The following DPP10 variants were observed in gnomAD, a reference collection of about 807,000 sequenced individuals.
The protein encoded by DPP10 is dipeptidyl peptidase like 10.
DPP10 carries 33 observed loss-of-function variants against 120.9 expected under a neutral mutation model. The ratio of observed to expected loss-of-function variants is 0.27; its 90% CI spans 0.21 to 0.37. The LOEUF (loss-of-function observed/expected upper bound fraction) is 0.37, where lower values mean the gene tolerates loss of function less well. Among genes scored for constraint, DPP10 ranks in the 10% least tolerant of loss-of-function variants. The probability of loss-of-function intolerance (pLI) is 1.00; values close to 1 mark genes in which losing one functional copy is unlikely to be tolerated. For missense variants in DPP10, 816 were observed against 942.8 expected (o/e 0.87, Z 1.76); for synonymous variants, 337 against 326.1 (o/e 1.03, Z -0.36).
intron 11 of DPP10, among the ~76,000 whole-genome samples, chr2:115,759,018 G>T (rs761048290): frequency 6.6e-6 from 1 of 151,944 alleles, no homozygotes; most frequent in South Asian, 2.1e-4. Flanking sequence ...TACTGAATAA[G>T]CCAAAAAATC....
intron 1 of DPP10, among the ~76,000 whole-genome samples, chr2:114,943,811 CATT>C (rs773632287): frequency 5.9e-5 from 9 of 152,270 alleles, no homozygotes; most frequent in Non-Finnish European, 8.8e-5. Flanking sequence ...AGAAAACCAT[CATT>C]AAGATGTTAA....
intron 3 of DPP10, among the ~76,000 whole-genome samples, chr2:115,357,081 T>C (rs1030505481): frequency 1.3e-5 from 2 of 152,214 alleles, no homozygotes; most frequent in African/African-American, 4.8e-5. Flanking sequence ...TCATGTGTAC[T>C]CAATATATAT....
intron 5 of DPP10, among the ~76,000 whole-genome samples, chr2:115,560,403 A>AAAAAATATATATAT (rs1553448798): frequency 5.6e-5 from 1 of 17,854 alleles, no homozygotes; most frequent in Non-Finnish European, 9.8e-5. Context: ...AAAAAAAAAA[A>AAAAAATATATATAT]ATATATATAT....
At chr2:114,857,721 C>T (rs567509891) in intron 1 of DPP10, among the ~76,000 whole-genome samples, 3 of 152,194 alleles carry the variant, frequency 2.0e-5, no homozygotes, top group Non-Finnish European at 2.9e-5. Flanking sequence ...TAATGTAGTA[C>T]GAAGACTTAT....
chr2:115,399,807 A>G (rs1374699969), intron 3 of DPP10, among the ~76,000 whole-genome samples: 1 of 152,176 alleles, frequency 6.6e-6, no homozygotes, highest in Non-Finnish European at 1.5e-5. Flanking sequence ...GTGTTTCATA[A>G]AAATTCTAAT....
At chr2:114,784,139 G>A (rs915089215) in intron 1 of DPP10, among the ~76,000 whole-genome samples, 4 of 152,060 alleles carry the variant, frequency 2.6e-5, no homozygotes, top group African/African-American at 9.7e-5. Flanking sequence ...CAGGTTCACA[G>A]AAGTCCCATT....
chr2:115,715,398 G>A (rs1467413730), intron 7 of DPP10, among the ~76,000 whole-genome samples: 1 of 145,812 alleles, frequency 6.9e-6, no homozygotes, highest in Non-Finnish European at 1.5e-5. Context: ...ACTGGAACTT[G>A]TTGGCCCAGC....
intron 1 of DPP10, among the ~76,000 whole-genome samples, chr2:114,695,893 T>C (rs1700039855): frequency 6.6e-6 from 1 of 152,066 alleles, no homozygotes; most frequent in African/African-American, 2.4e-5. Flanking sequence ...TGCTTTCTCT[T>C]GAAAAAATGT....
At chr2:115,235,866 C>T (rs970621322) in intron 1 of DPP10, among the ~76,000 whole-genome samples, 4 of 152,114 alleles carry the variant, frequency 2.6e-5, no homozygotes, top group African/African-American at 7.2e-5. Flanking sequence ...GCCAAGCTGA[C>T]GTTTCTTACA....
intron 1 of DPP10, among the ~76,000 whole-genome samples, chr2:114,794,070 CT>C (rs147276501): frequency 2.6e-5 from 4 of 151,966 alleles, no homozygotes; most frequent in Non-Finnish European, 4.4e-5. Context: ...TTGAGCATGA[CT>C]TTTTTTTACC....
intron 1 of DPP10, among the ~76,000 whole-genome samples, chr2:114,611,294 C>T (rs988083716): frequency 6.6e-6 from 1 of 152,186 alleles, no homozygotes; most frequent in African/African-American, 2.4e-5. Context: ...CATGTGCTTA[C>T]AGGAAATGAA....
chr2:115,627,235 G>A (rs2085437513), intron 5 of DPP10, among the ~76,000 whole-genome samples: 1 of 152,080 alleles, frequency 6.6e-6, no homozygotes, highest in Non-Finnish European at 1.5e-5. Context: ...GCTGATAGAG[G>A]GATTCCTACT....
At chr2:114,994,984 T>G (rs947688716) in intron 1 of DPP10, among the ~76,000 whole-genome samples, 8 of 152,246 alleles carry the variant, frequency 5.3e-5, no homozygotes, top group Non-Finnish European at 1.0e-4. Flanking sequence ...ACAATGTTCC[T>G]TCACGGTGTC....
At position 114,826,607 on chromosome 2, in the gene DPP10, T is replaced by C. The variant is rs562389017; in HGVS notation, c.60+383769T>C. On this transcript the variant is annotated intron_variant, in intron 1 of 25. Coordinates refer to ENST00000410059, the MANE Select transcript of DPP10 (RefSeq NM_020868.6). ...GTGCAATGTCATGACCTCAGCTCCC[T>C]GCAACCTCCGCCTCCCAGGTTCAAG... 4.6e-5 allele frequency among the ~76,000 whole-genome samples: 7 copies of C among 152,302 alleles called. No individual in the cohort carries two copies. In the South Asian group the frequency reaches 1.4e-3, roughly 32 times the overall value.
intron 1 of DPP10, among the ~76,000 whole-genome samples, chr2:114,790,866 C>A (rs372671654): frequency 1.3e-5 from 2 of 152,182 alleles, no homozygotes; most frequent in East Asian, 3.9e-4. Flanking sequence ...GCCATCTGGG[C>A]GAATACGTGC....
At chr2:115,362,253 G>C (rs1036669902) in intron 3 of DPP10, among the ~76,000 whole-genome samples, 8 of 152,168 alleles carry the variant, frequency 5.3e-5, no homozygotes, top group African/African-American at 1.9e-4. Context: ...AAATGGCTAA[G>C]ATTCTATATG....
At chr2:115,065,816 A>G (rs1341275972) in intron 1 of DPP10, among the ~76,000 whole-genome samples, 1 of 152,168 alleles carries the variant, frequency 6.6e-6, no homozygotes, top group East Asian at 1.9e-4. Context: ...TTAATTTTAC[A>G]TTTTTATCAT....
chr2:114,761,637 G>A (rs1273476834), intron 1 of DPP10, among the ~76,000 whole-genome samples: 1 of 152,188 alleles, frequency 6.6e-6, no homozygotes, highest in Non-Finnish European at 1.5e-5. Flanking sequence ...TTGAGGAGCA[G>A]CGGGGAACCA....
Position 115,190,678 on chromosome 2 carries a change from C to T in DPP10, c.61-118561C>T, listed in dbSNP as rs1319317772. 3.9e-5 allele frequency among the ~76,000 whole-genome samples: 6 copies of T among 152,270 alleles called. No individual in the cohort carries two copies. In the East Asian group the frequency reaches 5.8e-4, roughly 15 times the overall value. On this transcript the variant is annotated intron_variant, in intron 1 of 25. Coordinates refer to ENST00000410059, the MANE Select transcript of DPP10 (RefSeq NM_020868.6). ...TCAGGGAACAGCAGTGAAAGAGTCT[C>T]GCATGACTCATCGCCCCAGGCTGTG...
Sources: allele counts gnomAD v4.1 joint callset (sites outside exome capture counted in the v4.1 genomes callset), GRCh38; gene constraint gnomAD v4.1.1; transcripts MANE v1.5; gene names NCBI Gene and HGNC (gene_info 2026-07-23, HGNC 2026-07-21).